CDH6: variants seen among roughly 807,000 people sequenced by gnomAD.
CDH6 encodes the protein cadherin 6, also known as cadherin-6.
A neutral mutation model predicts 78.0 loss-of-function variants in CDH6; 31 were observed. The observed-to-expected ratio is 0.40, with a 90% CI of 0.30 to 0.54. The LOEUF is 0.54. CDH6 is among the 20% of genes least tolerant of loss of function. The probability of loss-of-function intolerance (pLI) is 0.56; values close to 1 mark genes in which losing one functional copy is unlikely to be tolerated. For missense variants in CDH6, 724 were observed against 975.9 expected, an observed-to-expected ratio of 0.74 and a Z score of 3.44; for synonymous variants, 376 against 368.8, an observed-to-expected ratio of 1.02 and a Z score of -0.23.
rs1479246711 is a variant in CDH6 at position 31,203,249 on chromosome 5, TA to T, written c.-129+9364del. On this transcript the variant is annotated intron_variant, in intron 1 of 11. Transcript: ENST00000265071. ...AGGCAGGTCCTTTTTTTTTTTTATT[TA>T]TTTTTTATTATTATACTTTAAGTTT... Among the ~76,000 whole-genome samples, 170 of 150,650 alleles carry T rather than the reference TA, an allele frequency of 1.1e-3. 1 individual carries two copies. The highest frequency in any genetic ancestry group is 3.5e-3 in the African/African-American group (143 of 41,062).
At chr5:31,217,515 T>C (rs1740900796) in intron 1 of CDH6, among the ~76,000 whole-genome samples, 1 of 152,150 alleles carries the variant, frequency 6.6e-6, no homozygotes, top group Non-Finnish European at 1.5e-5. Flanking sequence ...AATAGCTGGA[T>C]ACTCACAAGT....
intron 7 of CDH6, among the ~76,000 whole-genome samples, chr5:31,311,032 A>C (rs1738136325): frequency 6.6e-6 from 1 of 152,226 alleles, no homozygotes; most frequent in East Asian, 1.9e-4. Flanking sequence ...TTTCTGCAGC[A>C]GGCTTGAATT....
intron 11 of CDH6, among the ~76,000 whole-genome samples, chr5:31,320,553 T>C (rs888630774): frequency 4.6e-5 from 7 of 152,180 alleles, no homozygotes; most frequent in Non-Finnish European, 1.0e-4. Flanking sequence ...CCCTCTGTTT[T>C]GCAAATCCGT....
At position 31,297,381 on chromosome 5, in the gene CDH6, C is replaced by A; in HGVS notation, c.616C>A (p.Pro206Thr). The change falls in exon 4 of 12, where the codon CCC (proline) becomes ACC (threonine). Residue 206 changes from proline (P) to threonine (T), a missense_variant. This residue lies in a region of CDH6 where 446 missense variants were observed against 684.5 expected (regional missense o/e 0.65). Transcript: ENST00000265071. The part of the protein sequence containing the change: ...KVVYSILQGQ[P>T]YFSVESETGI... ...TGTCTACAGTATTCTACAGGGACAG[C>A]CCTATTTTTCAGTTGAATCAGAAAC... 1.2e-6 allele frequency: 2 copies of A among 1,608,262 alleles called. No individual in the cohort carries two copies. Among genetic ancestry groups the A allele is most frequent in the Non-Finnish European group, 8.5e-7 (1 of 1,176,412 alleles).
chr5:31,201,891 T>G (rs1740358870), intron 1 of CDH6, among the ~76,000 whole-genome samples: 1 of 152,180 alleles, frequency 6.6e-6, no homozygotes, highest in Non-Finnish European at 1.5e-5. Flanking sequence ...AATACTAACA[T>G]TTGGAATACT....
chr5:31,292,852 C>CAT (rs140377309), intron 2 of CDH6, among the ~76,000 whole-genome samples: 2,157 of 8,760 alleles, frequency 0.25, 84 homozygotes, highest in African/African-American at 0.36. Flanking sequence ...TATATGTGTG[C>CAT]ATATATATAT....
intron 8 of CDH6, 86 bp downstream of exon 8, chr5:31,313,540 G>A: frequency 7.9e-7 from 1 of 1,265,928 alleles, no homozygotes; most frequent in Admixed American, 2.0e-5. Flanking sequence ...TTGTCACCAT[G>A]TATTGACAAT....
At chr5:31,290,346 T>C (rs1175317645) in intron 2 of CDH6, among the ~76,000 whole-genome samples, 1 of 152,166 alleles carries the variant, frequency 6.6e-6, no homozygotes, top group Admixed American at 6.5e-5. Flanking sequence ...ACAGGTACAG[T>C]AGTAAAAAGT....
chr5:31,317,597 A>G (rs932634444), intron 10 of CDH6, 76 bp from the exon 11 acceptor site: 17 of 1,558,320 alleles, frequency 1.1e-5, no homozygotes, highest in Non-Finnish European at 1.5e-5. Context: ...ATCTATATCT[A>G]TCTTTTCTTA....
intron 1 of CDH6, among the ~76,000 whole-genome samples, chr5:31,247,084 G>A (rs905516961): frequency 6.6e-6 from 1 of 152,190 alleles, no homozygotes; most frequent in Non-Finnish European, 1.5e-5. Flanking sequence ...TTTGGGTTCT[G>A]CCCTCATACC....
At chr5:31,320,431 C>CTGCCCCT (rs1738450339) in intron 11 of CDH6, among the ~76,000 whole-genome samples, 1 of 152,116 alleles carries the variant, frequency 6.6e-6, no homozygotes, top group South Asian at 2.1e-4. Context: ...TGATAAATGC[C>CTGCCCCT]TGCCCCTTGC....
intron 1 of CDH6, among the ~76,000 whole-genome samples, chr5:31,206,296 A>G (rs1740520412): frequency 6.6e-6 from 1 of 152,236 alleles, no homozygotes; most frequent in Non-Finnish European, 1.5e-5. Flanking sequence ...CATATATCTT[A>G]TATGTAACAT....
intron 1 of CDH6, among the ~76,000 whole-genome samples, chr5:31,248,422 T>A (rs925822908): frequency 5.9e-5 from 9 of 152,204 alleles, no homozygotes; most frequent in African/African-American, 2.2e-4. Context: ...TAAAAAAGAA[T>A]CCCATAGTAA....
intron 1 of CDH6, among the ~76,000 whole-genome samples, chr5:31,235,230 C>CTTTT (rs1228977478): frequency 2.0e-4 from 9 of 45,968 alleles, no homozygotes; most frequent in East Asian, 5.8e-4. Context: ...TTTTCTATTC[C>CTTTT]TTTTTCTTTT....
intron 2 of CDH6, among the ~76,000 whole-genome samples, chr5:31,270,040 AT>A (rs996019587): frequency 1.3e-5 from 2 of 152,212 alleles, no homozygotes; most frequent in African/African-American, 4.8e-5. Context: ...TTAGACTAGT[AT>A]TTTTTACCAC....
intron 1 of CDH6, among the ~76,000 whole-genome samples, chr5:31,199,717 C>G (rs4867056): frequency 8.7e-6 from 1 of 114,742 alleles, no homozygotes; most frequent in South Asian, 3.0e-4. Context: ...ATATATATAT[C>G]TCAAAGATAA....
At chr5:31,297,251 T>G (rs1263189535) in intron 3 of CDH6, 38 bp from the exon 4 acceptor site, 1 of 1,584,794 alleles carries the variant, frequency 6.3e-7, no homozygotes, top group East Asian at 2.2e-5. Context: ...TGATATGAAC[T>G]CTTGATGTGT....
At chr5:31,243,268 G>C (rs1741653629) in intron 1 of CDH6, among the ~76,000 whole-genome samples, 1 of 152,076 alleles carries the variant, frequency 6.6e-6, no homozygotes, top group Non-Finnish European at 1.5e-5. Flanking sequence ...TGGTAAGGTG[G>C]GGACATGAGG....
chr5:31,254,960 C>G (rs1374083130), intron 1 of CDH6, among the ~76,000 whole-genome samples: 1 of 152,124 alleles, frequency 6.6e-6, no homozygotes, highest in Non-Finnish European at 1.5e-5. Context: ...AAAATTAGAA[C>G]TAAAAACTCA....
Sources: allele counts gnomAD v4.1 joint callset (sites outside exome capture counted in the v4.1 genomes callset), GRCh38; gene constraint gnomAD v4.1.1; regional missense constraint gnomAD v4.1.1; transcripts MANE v1.5; gene names NCBI Gene and HGNC (gene_info 2026-07-23, HGNC 2026-07-21).